The following ECHDC1 variants were observed in gnomAD, a reference collection of about 807,000 sequenced individuals.
The protein encoded by ECHDC1 is ethylmalonyl-CoA decarboxylase.
A neutral mutation model predicts 29.7 loss-of-function variants in ECHDC1; 29 were observed. That is an observed-to-expected ratio of 0.98 (90% CI 0.73 to 1.33). ECHDC1 has a LOEUF of 1.33. Ranked by LOEUF, ECHDC1 falls within the 40% of genes most tolerant of loss-of-function variation. The probability of loss-of-function intolerance (pLI) is 0.00; values close to 1 mark genes in which losing one functional copy is unlikely to be tolerated. For synonymous variants in ECHDC1, 126 were observed against 123.1 expected, an observed-to-expected ratio of 1.02 and a Z score of -0.15; for missense variants, 328 against 350.0, an observed-to-expected ratio of 0.94 and a Z score of 0.50.
chr6:127,296,352 C>T (rs1780594846), intron 5 of ECHDC1, among the ~76,000 whole-genome samples: 1 of 152,082 alleles, frequency 6.6e-6, no homozygotes, highest in South Asian at 2.1e-4. Context: ...CCATCACACC[C>T]GGCTAAATTT....
At chr6:127,294,360 A>G (rs1313927589) in intron 5 of ECHDC1, 1 of 152,214 alleles carries the variant, frequency 6.6e-6, no homozygotes, top group Non-Finnish European at 1.5e-5. Flanking sequence ...CACAAACAAT[A>G]CTTTAAAATT....
Position 127,290,098 on chromosome 6 carries a change from A to G in ECHDC1, c.677T>C (p.Val226Ala), listed in dbSNP as rs1344049681. The G allele has an allele frequency of 1.2e-6, 2 of 1,613,664 alleles. No individual in the cohort carries two copies. The highest frequency in any genetic ancestry group is 1.7e-6 in the Non-Finnish European group (2 of 1,179,724). The change falls in exon 6 of 6, where the codon GTC becomes GCC. Residue 226 changes from valine (V) to alanine (A), a missense_variant. Transcript: ENST00000454859. ...NALNIGMVEE[V>A]LQSSDETKSL... Reference sequence around the variant, plus strand: ...TTTAGTTTCATCTGAAGACTGCAAGACCTCTTCAACCATTCCTATGTTTAG... The same window carrying G: ...TTTAGTTTCATCTGAAGACTGCAAGGCCTCTTCAACCATTCCTATGTTTAG...
intron 5 of ECHDC1, among the ~76,000 whole-genome samples, chr6:127,305,475 T>C (rs1411547536): frequency 2.6e-5 from 4 of 152,120 alleles, no homozygotes; most frequent in Non-Finnish European, 4.4e-5. Context: ...TAAGAAATCA[T>C]CTGAAGGTAA....
intron 1 of ECHDC1, chr6:127,342,305 T>A: frequency 6.6e-7 from 1 of 1,519,624 alleles, no homozygotes; most frequent in Non-Finnish European, 8.9e-7. Context: ...CTTAAGAATC[T>A]GGCCACAAAT....
intron 5 of ECHDC1, among the ~76,000 whole-genome samples, chr6:127,292,163 T>A (rs1360123047): frequency 6.6e-6 from 1 of 152,024 alleles, no homozygotes; most frequent in Non-Finnish European, 1.5e-5. Context: ...GCTGTGCCTA[T>A]AATGGAGTAA....
At chr6:127,329,910 G>T (rs1247547021) in intron 2 of ECHDC1, 2 of 455,030 alleles carry the variant, frequency 4.4e-6, no homozygotes, top group Non-Finnish European at 8.8e-6. Flanking sequence ...AAGTCATCTT[G>T]GGTTTAAAGA....
intron 4 of ECHDC1, chr6:127,315,532 G>C (rs983542957): frequency 3.8e-4 from 82 of 213,140 alleles, no homozygotes; most frequent in African/African-American, 1.9e-3. Flanking sequence ...AATCTAAAAT[G>C]TTTTCCAAGA....
chr6:127,296,951 G>A (rs1780652486), intron 5 of ECHDC1, among the ~76,000 whole-genome samples: 1 of 152,056 alleles, frequency 6.6e-6, no homozygotes, highest in Non-Finnish European at 1.5e-5. Flanking sequence ...GTTGCAGTGA[G>A]CAGTGATCGT....
At chr6:127,311,669 CAAAAAAA>C (rs71272311) in intron 5 of ECHDC1, among the ~76,000 whole-genome samples, 3 of 25,038 alleles carry the variant, frequency 1.2e-4, no homozygotes, top group East Asian at 4.3e-4. Context: ...GGCTCTGTCT[CAAAAAAA>C]AAAAAAAAAA....
intron 1 of ECHDC1, among the ~76,000 whole-genome samples, chr6:127,336,563 G>A (rs1362066948): frequency 6.6e-6 from 1 of 152,128 alleles, no homozygotes; most frequent in Non-Finnish European, 1.5e-5. Context: ...ATTGGAAAAT[G>A]AGCTATCCTG....
At chr6:127,335,378 G>A (rs2114700015) in intron 1 of ECHDC1, among the ~76,000 whole-genome samples, 2 of 152,174 alleles carry the variant, frequency 1.3e-5, no homozygotes, top group Middle Eastern at 3.4e-3. Context: ...GGAGACTGAA[G>A]TGTAACTCAG....
intron 3 of ECHDC1, among the ~76,000 whole-genome samples, chr6:127,322,253 T>C (rs4895823): frequency 0.73 from 111,037 of 151,916 alleles, 40,741 homozygotes; most frequent in East Asian, 0.78. Flanking sequence ...TTGCAGTGAG[T>C]CGAGATCGCT....
chr6:127,316,559 T>C, intron 3 of ECHDC1, 57 bp from the exon 4 acceptor site: 1 of 1,433,544 alleles, frequency 7.0e-7, no homozygotes, highest in East Asian at 2.4e-5. Context: ...TTACATTAAA[T>C]TTTTTAAATT....
chr6:127,298,917 G>A (rs571975959), intron 5 of ECHDC1, among the ~76,000 whole-genome samples: 4 of 150,082 alleles, frequency 2.7e-5, no homozygotes, highest in South Asian at 2.1e-4. Context: ...ACTCTGTCCC[G>A]CAGGCTGGAG....
intron 3 of ECHDC1, among the ~76,000 whole-genome samples, chr6:127,317,726 C>T (rs1394511924): frequency 6.6e-6 from 1 of 152,184 alleles, no homozygotes; most frequent in Non-Finnish European, 1.5e-5. Context: ...TCCCGTTTCA[C>T]AATTCTCCCA....
intron 5 of ECHDC1, among the ~76,000 whole-genome samples, chr6:127,311,742 T>C (rs1330285274): frequency 7.3e-6 from 1 of 137,542 alleles, no homozygotes; most frequent in Non-Finnish European, 1.6e-5. Context: ...CTGGGATGGC[T>C]ATATTTATAT....
intron 3 of ECHDC1, among the ~76,000 whole-genome samples, chr6:127,319,626 G>T (rs1782675257): frequency 6.6e-6 from 1 of 152,182 alleles, no homozygotes; most frequent in South Asian, 2.1e-4. Context: ...AAATAAGCCA[G>T]TAAGAGATAT....
intron 5 of ECHDC1, among the ~76,000 whole-genome samples, chr6:127,301,886 G>A (rs1781080708): frequency 6.6e-6 from 1 of 152,120 alleles, no homozygotes; most frequent in South Asian, 2.1e-4. Flanking sequence ...CAAGACACAA[G>A]GTTTGTGAAT....
chr6:127,311,067 C>T (rs751452592), intron 5 of ECHDC1, among the ~76,000 whole-genome samples: 2 of 152,106 alleles, frequency 1.3e-5, no homozygotes, highest in Non-Finnish European at 2.9e-5. Flanking sequence ...CTTATATACG[C>T]ACTGGGAAAC....
Sources: gnomAD v4.1 joint callset for allele counts (sites outside exome capture counted in the v4.1 genomes callset) on GRCh38, gnomAD v4.1.1 for gene constraint, MANE v1.5 for transcripts, NCBI Gene and HGNC (gene_info 2026-07-23, HGNC 2026-07-21) for gene names.